Variants in LRRC39 observed in about 807,000 individuals in gnomAD.
LRRC39 encodes leucine rich repeat containing 39.
LRRC39 carries 35 observed loss-of-function variants against 39.7 expected under a neutral mutation model. The ratio of observed to expected loss-of-function variants is 0.88; its 90% CI spans 0.67 to 1.17. LRRC39 has a LOEUF of 1.17. Among genes scored for constraint, LRRC39 ranks in the 50% most tolerant of loss-of-function variants. The pLI, the probability that LRRC39 is intolerant of heterozygous loss-of-function variation, is 0.00. For synonymous variants in LRRC39, 113 were observed against 134.1 expected, an observed-to-expected ratio of 0.84 and a Z score of 1.09; for missense variants, 357 against 385.8, an observed-to-expected ratio of 0.93 and a Z score of 0.62.
chr1:100,148,588 A>G lies in LRRC39; in HGVS notation c.*454T>C. Reference sequence around the variant, plus strand: ...ATAATTTTTTATAAACTTTTGCAAAATTTTAACAATGTTTTGTGTGTGTTT... The same window carrying G: ...ATAATTTTTTATAAACTTTTGCAAAGTTTTAACAATGTTTTGTGTGTGTTT... On this transcript the variant is annotated 3_prime_UTR_variant, in exon 10 of 10. Coordinates refer to ENST00000370137, the MANE Select transcript of LRRC39 (RefSeq NM_144620.4). 1 of 1,569,368 alleles carries G rather than the reference A, an allele frequency of 6.4e-7. No homozygotes were observed. The highest frequency in any genetic ancestry group is 8.6e-7 in the Non-Finnish European group (1 of 1,163,472).
Position 100,155,067 on chromosome 1 carries a change from C to T in LRRC39, c.796G>A (p.Glu266Lys), listed in dbSNP as rs145343717. Residue 266 changes from glutamate (E) to lysine (K), a missense_variant, in exon 8 of 10, where the codon GAA becomes AAA. Coordinates refer to ENST00000370137, the MANE Select transcript of LRRC39 (RefSeq NM_144620.4). ...ACTTTTTACCTCAGATTTGCCATTT[C>T]TTCCATGCATACTGGAATATCTTGC... ...KLQDIPVCMEEMANLRFVNFR... is the reference protein window; with the variant it reads ...KLQDIPVCMEKMANLRFVNFR... 5.1e-6 allele frequency: 8 copies of T among 1,574,188 alleles called. No homozygotes were observed. The African/African-American group carries it at 1.1e-4, about 22-fold the overall frequency.
chr1:100,178,321 T>C (rs952906824), upstream of LRRC39: 3 of 152,232 alleles, frequency 2.0e-5, no homozygotes, highest in Non-Finnish European at 4.4e-5. Flanking sequence ...GAGGCTTCTT[T>C]GCGACGGATC....
intron 3 of LRRC39, among the ~76,000 whole-genome samples, chr1:100,166,633 G>C (rs1301176626): frequency 6.6e-6 from 1 of 152,186 alleles, no homozygotes; most frequent in South Asian, 2.1e-4. Flanking sequence ...AAGCATTCAA[G>C]AGGTGACTTG....
chr1:100,160,469 C>T lies in LRRC39; in HGVS notation c.216G>A (p.Trp72Ter). The T allele has an allele frequency of 6.2e-7, 1 of 1,611,448 alleles. No individual in the cohort carries two copies. The highest frequency in any genetic ancestry group is 8.5e-7 in the Non-Finnish European group (1 of 1,178,298). The part of the protein sequence containing the change: ...RVILKIEKEE[W>*]KTLPSSLLKL... ...CAAATATTCTATAAAAGCTTACCTTCCATTCCTCTTTTTCTATCTTCAAAA... is the reference window on the plus strand; with the variant it reads ...CAAATATTCTATAAAAGCTTACCTTTCATTCCTCTTTTTCTATCTTCAAAA... The change falls in exon 4 of 10, where the codon TGG becomes TGA. Residue 72 changes from tryptophan (W) to a stop codon, truncating the protein, a stop_gained. Coordinates refer to ENST00000370137, the MANE Select transcript of LRRC39 (RefSeq NM_144620.4). LOFTEE classifies it high-confidence loss of function.
intron 2 of LRRC39, among the ~76,000 whole-genome samples, chr1:100,169,135 T>A (rs1659436161): frequency 6.6e-6 from 1 of 152,074 alleles, no homozygotes; most frequent in Admixed American, 6.6e-5. Flanking sequence ...AATGGTTATG[T>A]AAATTATGGT....
chr1:100,159,525 T>G (rs1041900060), intron 4 of LRRC39, 110 bp from the exon 5 acceptor site: 2 of 887,092 alleles, frequency 2.3e-6, no homozygotes, highest in African/African-American at 1.7e-5. Flanking sequence ...TATTTGGAAT[T>G]TGTTTTCCTT....
chr1:100,167,824 A>G (rs192553047), intron 3 of LRRC39, among the ~76,000 whole-genome samples: 9 of 140,160 alleles, frequency 6.4e-5, no homozygotes, highest in Non-Finnish European at 1.1e-4. Context: ...TAATAATAAT[A>G]ATGATAGAAA....
Position 100,155,120 on chromosome 1 carries a change from C to G in LRRC39, c.743G>C (p.Gly248Ala), listed in dbSNP as rs753264075. Residue 248 changes from glycine to alanine, a missense_variant, in exon 8 of 10, where the codon GGT becomes GCT. Transcript: ENST00000370137. ...PQTISNMKNL[G>A]TLVLSNNKLQ... ...TTTATTGTTGCTGAGAACAAGAGTA[C>G]CCAGATTTTTCATATTGCTGATTGT... 1.9e-6 allele frequency: 3 copies of G among 1,611,640 alleles called. No homozygotes were observed. The highest frequency in any genetic ancestry group is 1.1e-5 in the South Asian group (1 of 90,624).
At chr1:100,179,315 T>A (rs542775851), upstream of LRRC39, among the ~76,000 whole-genome samples, 2 of 151,710 alleles carry the variant, frequency 1.3e-5, no homozygotes, top group South Asian at 4.2e-4. Context: ...CAATTGAAAC[T>A]CTAACTTCCC....
chr1:100,148,581 T>C lies in LRRC39; in HGVS notation c.*461A>G, dbSNP rs566065003. On this transcript the variant is annotated 3_prime_UTR_variant, in exon 10 of 10. Coordinates refer to ENST00000370137, the MANE Select transcript of LRRC39 (RefSeq NM_144620.4). Reference sequence around the variant, plus strand: ...GACAAAAATAATTTTTTATAAACTTTTGCAAAATTTTAACAATGTTTTGTG... The same window carrying C: ...GACAAAAATAATTTTTTATAAACTTCTGCAAAATTTTAACAATGTTTTGTG... The C allele has an allele frequency of 9.7e-6, 15 of 1,552,088 alleles. No individual in the cohort carries two copies. The East Asian group carries it at 2.0e-4, about 21-fold the overall frequency.
chr1:100,163,853 A>T (rs1659051683), intron 3 of LRRC39, among the ~76,000 whole-genome samples: 1 of 152,136 alleles, frequency 6.6e-6, no homozygotes, highest in Non-Finnish European at 1.5e-5. Context: ...CAGATGGATC[A>T]CTTGAGGTTA....
At chr1:100,150,567 G>A (rs962031172) in intron 9 of LRRC39, 3 of 152,056 alleles carry the variant, frequency 2.0e-5, no homozygotes, top group Non-Finnish European at 4.4e-5. Flanking sequence ...CAGTTCTGTG[G>A]CCCATTTAGC....
Position 100,155,043 on chromosome 1 carries a change from C to T in LRRC39, c.812+8G>A. 6.4e-7 allele frequency: 1 copy of T among 1,559,586 alleles called. No individual in the cohort carries two copies. The highest frequency in any genetic ancestry group is 8.6e-7 in the Non-Finnish European group (1 of 1,157,170). On this transcript the variant is annotated splice_region_variant and intron_variant, in intron 8 of 9. Coordinates refer to ENST00000370137, the MANE Select transcript of LRRC39 (RefSeq NM_144620.4). The stretch of plus-strand genomic sequence containing the variant: ...AGGTTTTTCAGTTTTGTGCCTACAA[C>T]TTTTTACCTCAGATTTGCCATTTCT...
chr1:100,158,644 G>C (rs1403535635), intron 5 of LRRC39, among the ~76,000 whole-genome samples: 1 of 151,856 alleles, frequency 6.6e-6, no homozygotes, highest in Non-Finnish European at 1.5e-5. Context: ...CACCGTGTTA[G>C]CCAGGATGGT....
chr1:100,155,954 G>A (rs1342791399), intron 7 of LRRC39, among the ~76,000 whole-genome samples: 2 of 152,170 alleles, frequency 1.3e-5, no homozygotes, highest in Non-Finnish European at 2.9e-5. Context: ...CTGGGAGGCT[G>A]AGGTAGGTGG....
At chr1:100,149,214 A>G in intron 9 of LRRC39, 117 bp from the exon 10 acceptor site, 1 of 1,493,076 alleles carries the variant, frequency 6.7e-7, no homozygotes, top group Non-Finnish European at 8.9e-7. Flanking sequence ...TTCAAGAGGT[A>G]GTGATTGATT....
chr1:100,161,856 A>G (rs1045353672), intron 3 of LRRC39, among the ~76,000 whole-genome samples: 15 of 152,274 alleles, frequency 9.9e-5, no homozygotes, highest in African/African-American at 3.4e-4. Flanking sequence ...CATGTTGCCC[A>G]GGCTGGTCTC....
intron 3 of LRRC39, among the ~76,000 whole-genome samples, chr1:100,166,836 C>T (rs1301570242): frequency 6.6e-6 from 1 of 152,160 alleles, no homozygotes; most frequent in Non-Finnish European, 1.5e-5. Context: ...GAGGTTTCCC[C>T]TTTCACTTGG....
chr1:100,155,632 T>C (rs1053352122), intron 7 of LRRC39, among the ~76,000 whole-genome samples: 5 of 152,196 alleles, frequency 3.3e-5, no homozygotes, highest in Admixed American at 6.5e-5. Flanking sequence ...AAATGTTACC[T>C]AATCTGAGAC....
Sources: gnomAD v4.1 joint callset for allele counts (sites outside exome capture counted in the v4.1 genomes callset) on GRCh38, gnomAD v4.1.1 for gene constraint, MANE v1.5 for transcripts, NCBI Gene and HGNC (gene_info 2026-07-23, HGNC 2026-07-21) for gene names.